Variants in TENM3 observed in about 807,000 individuals in gnomAD.
TENM3 encodes teneurin transmembrane protein 3.
TENM3 carries 63 observed loss-of-function variants against 255.1 expected under a neutral mutation model. That is an observed-to-expected ratio of 0.25 (90% CI 0.20 to 0.30). TENM3 has a LOEUF of 0.30. TENM3 is among the 10% of genes least tolerant of loss of function. The pLI is 1.00. For synonymous variants in TENM3, 1,306 were observed against 1,322.3 expected (o/e 0.99, Z 0.27); for missense variants, 2,929 against 3,461.1 (o/e 0.85, Z 3.86).
At chr4:182,165,449 G>T (rs1054684308) in intron 1 of TENM3, among the ~76,000 whole-genome samples, 14 of 152,138 alleles carry the variant, frequency 9.2e-5, no homozygotes, top group African/African-American at 3.1e-4. Flanking sequence ...TGCCTCTATG[G>T]TTTAACATCC....
chr4:181,653,867 C>G, the TENM3 span, among the ~76,000 whole-genome samples: 1 of 151,980 alleles, frequency 6.6e-6, no homozygotes, highest in Admixed American at 6.6e-5. Flanking sequence ...TCCCCTTTCC[C>G]CCGACCCAGC....
rs112114852 is a variant in TENM3 at position 182,459,742 on chromosome 4, C to T, written c.511+112813C>T. 8.5e-3 allele frequency among the ~76,000 whole-genome samples: 1,289 copies of T among 152,072 alleles called. 16 individuals are homozygous for T. Among genetic ancestry groups the T allele is most frequent in the African/African-American group, 0.029 (1,198 of 41,448 alleles). On this transcript the variant is annotated intron_variant, in intron 3 of 27. Transcript: ENST00000511685. Reference sequence around the variant, plus strand: ...TCATGCTGAGATATCAGTATAAACACCCGATTTATTCAAATACTTATTTAT... The same window carrying T: ...TCATGCTGAGATATCAGTATAAACATCCGATTTATTCAAATACTTATTTAT...
intron 3 of TENM3, 53 bp from the exon 4 acceptor site, chr4:182,600,871 A>G: frequency 2.2e-6 from 2 of 897,426 alleles, no homozygotes; most frequent in Non-Finnish European, 1.6e-6. Context: ...GTATATACAT[A>G]TATATATATA....
the TENM3 span, among the ~76,000 whole-genome samples, chr4:181,576,891 G>A: frequency 5.5e-5 from 7 of 126,918 alleles, no homozygotes; most frequent in African/African-American, 1.5e-4. Flanking sequence ...TCGGCTCACC[G>A]CAACCTCTGC....
intron 24 of TENM3, among the ~76,000 whole-genome samples, chr4:182,785,913 A>AG (rs769559387): frequency 6.6e-6 from 1 of 152,100 alleles, no homozygotes; most frequent in Non-Finnish European, 1.5e-5. Context: ...AGGCATGGTA[A>AG]GGGGGTGAAA....
At chr4:181,543,598 C>G in the TENM3 span, among the ~76,000 whole-genome samples, 2 of 152,188 alleles carry the variant, frequency 1.3e-5, no homozygotes, top group African/African-American at 4.8e-5. Context: ...CCTGCCTTTT[C>G]CCAGCTAAAT....
chr4:182,203,217 C>CA lies in TENM3; in HGVS notation c.-76+58475dup, dbSNP rs1165540899. On this transcript the variant is annotated intron_variant, in intron 1 of 2. Coordinates refer to the TENM3 transcript ENST00000512480. ...GGGCAACAAGGGTGAAACTCCATCT[C>CA]AAAAAAAAAAAAGAAAAAGAAAAGA... 7.3e-3 allele frequency among the ~76,000 whole-genome samples: 952 copies of CA among 130,676 alleles called. 2 individuals carry two copies. Among genetic ancestry groups the CA allele is most frequent in the Middle Eastern group, 0.026 (7 of 272 alleles). The allele number at this position is 130,676 out of a possible 152,430, so 85.7% of individuals were successfully genotyped here.
At chr4:181,935,823 G>A in the TENM3 span, among the ~76,000 whole-genome samples, 1 of 152,068 alleles carries the variant, frequency 6.6e-6, no homozygotes, top group Non-Finnish European at 1.5e-5. Context: ...CCGACATCGG[G>A]CCTTATGGAA....
At chr4:181,634,004 A>G in the TENM3 span, among the ~76,000 whole-genome samples, 3 of 152,228 alleles carry the variant, frequency 2.0e-5, no homozygotes, top group South Asian at 4.1e-4. Context: ...TTTGCTCTTA[A>G]GAGAAAAATG....
chr4:182,777,458 G>A (rs1263665634), intron 24 of TENM3, among the ~76,000 whole-genome samples: 2 of 147,152 alleles, frequency 1.4e-5, no homozygotes, highest in Non-Finnish European at 3.0e-5. Flanking sequence ...GAAATAATAG[G>A]TTAAATGGAG....
intron 3 of TENM3, among the ~76,000 whole-genome samples, chr4:182,543,261 A>G (rs1250122887): frequency 6.6e-6 from 1 of 152,154 alleles, no homozygotes; most frequent in African/African-American, 2.4e-5. Flanking sequence ...GAGGAAGGGA[A>G]GTGTCTCAAC....
At chr4:181,632,129 T>C in the TENM3 span, among the ~76,000 whole-genome samples, 8 of 152,182 alleles carry the variant, frequency 5.3e-5, no homozygotes, top group Admixed American at 1.3e-4. Flanking sequence ...GAGGTTTAAT[T>C]GACTCACAGT....
intron 1 of TENM3, among the ~76,000 whole-genome samples, chr4:182,151,798 AATG>A (rs1204959970): frequency 2.0e-5 from 3 of 152,080 alleles, no homozygotes; most frequent in Non-Finnish European, 4.4e-5. Flanking sequence ...AATTTTGTGT[AATG>A]ATGAGAATAG....
At chr4:182,313,772 G>C (rs142371994) in intron 1 of TENM3, among the ~76,000 whole-genome samples, 2 of 152,098 alleles carry the variant, frequency 1.3e-5, no homozygotes, top group Non-Finnish European at 1.5e-5. Context: ...AGCTGCTCAA[G>C]CCAGAAAGTT....
the TENM3 span, among the ~76,000 whole-genome samples, chr4:181,680,624 A>C: frequency 6.6e-6 from 1 of 152,122 alleles, no homozygotes; most frequent in Non-Finnish European, 1.5e-5. Flanking sequence ...GGGAATTATA[A>C]AAATAGAAAA....
At chr4:182,667,970 A>G (rs1754861545) in intron 6 of TENM3, among the ~76,000 whole-genome samples, 1 of 151,900 alleles carries the variant, frequency 6.6e-6, no homozygotes, top group Non-Finnish European at 1.5e-5. Context: ...TACATTAATT[A>G]ATTAATTAAT....
the TENM3 span, among the ~76,000 whole-genome samples, chr4:181,972,337 C>A: frequency 6.7e-6 from 1 of 149,926 alleles, no homozygotes; most frequent in Non-Finnish European, 1.5e-5. Context: ...GAGGATTACT[C>A]GAGCCAGAGA....
At chr4:181,652,891 CT>C in the TENM3 span, among the ~76,000 whole-genome samples, 1 of 152,184 alleles carries the variant, frequency 6.6e-6, no homozygotes, top group South Asian at 2.1e-4. Flanking sequence ...CTGCTGTGAC[CT>C]TTGCCAAGAT....
At chr4:181,853,734 G>A in the TENM3 span, among the ~76,000 whole-genome samples, 1 of 152,028 alleles carries the variant, frequency 6.6e-6, no homozygotes, top group Non-Finnish European at 1.5e-5. Flanking sequence ...AATCTAAAAG[G>A]GAAAGGAAAT....
Sources: gnomAD v4.1 joint callset for allele counts (sites outside exome capture counted in the v4.1 genomes callset) on GRCh38, gnomAD v4.1.1 for gene constraint, MANE v1.5 for transcripts, NCBI Gene and HGNC (gene_info 2026-07-23, HGNC 2026-07-21) for gene names.